The following THADA variants were observed in gnomAD, a reference collection of about 807,000 sequenced individuals.
THADA encodes the protein tRNA (32-2'-O)-methyltransferase regulator THADA.
A neutral mutation model predicts 219.8 loss-of-function variants in THADA; 213 were observed. The observed-to-expected ratio is 0.97, with a 90% CI of 0.87 to 1.09. The LOEUF is 1.09. Ranked by LOEUF, THADA falls within the 50% of genes least tolerant of loss-of-function variation. THADA has a pLI of 0.00. For missense variants in THADA, 2,956 were observed against 2,311.3 expected (o/e 1.28, Z -5.72); for synonymous variants, 1,018 against 828.9 (o/e 1.23, Z -3.92).
intron 28 of THADA, among the ~76,000 whole-genome samples, chr2:43,398,516 T>C (rs1189205122): frequency 2.6e-5 from 4 of 152,210 alleles, no homozygotes; most frequent in Non-Finnish European, 4.4e-5. Flanking sequence ...GAAGAGCCCA[T>C]ACTTTGGTTG....
chr2:43,451,562 A>T lies in THADA; in HGVS notation c.3837-21260T>A, dbSNP rs57935489. On this transcript the variant is annotated intron_variant, in intron 26 of 37. Coordinates refer to ENST00000405975, the MANE Select transcript of THADA (RefSeq NM_022065.5). ...GATCCCAGCACCCAGAATGGTGTCT[A>T]GTACATAGGAGGCATTAGTAAATAT... 6.8e-3 allele frequency among the ~76,000 whole-genome samples: 1,035 copies of T among 152,328 alleles called. 14 individuals are homozygous for T. The highest frequency in any genetic ancestry group is 0.024 in the African/African-American group (985 of 41,574).
chr2:43,326,384 T>C (rs1679339600), intron 30 of THADA, among the ~76,000 whole-genome samples: 1 of 152,146 alleles, frequency 6.6e-6, no homozygotes, highest in Non-Finnish European at 1.5e-5. Context: ...GTCCAAAGAC[T>C]TGGGGACATG....
chr2:43,422,218 G>A (rs925888161), intron 28 of THADA, among the ~76,000 whole-genome samples: 2 of 152,154 alleles, frequency 1.3e-5, no homozygotes, highest in African/African-American at 2.4e-5. Context: ...TAAATTAAAA[G>A]CTGAAATCTA....
At chr2:43,398,600 C>T (rs1252222899) in intron 28 of THADA, among the ~76,000 whole-genome samples, 1 of 152,086 alleles carries the variant, frequency 6.6e-6, no homozygotes, top group Non-Finnish European at 1.5e-5. Flanking sequence ...AGCAAGTGAC[C>T]TTGACATTAT....
In THADA at chr2:43,230,900, TG is replaced by T; in HGVS notation, c.*47del. 1 of 1,531,636 alleles carries T rather than the reference TG, an allele frequency of 6.5e-7. No individual in the cohort carries two copies. The highest frequency in any genetic ancestry group is 8.8e-7 in the Non-Finnish European group (1 of 1,139,482). 94.9% of individuals were successfully genotyped at this position (1,531,636 alleles called of 1,614,324 possible). A position where few individuals can be genotyped will look rare whatever the true frequency, so the allele number is the denominator to read the frequency against. ...TTCAACATGTTTCCTGCAGATTTAG[TG>T]GAGGAAAAATCCACACATACCCCCA... On this transcript the variant is annotated 3_prime_UTR_variant, in exon 38 of 38. Transcript: ENST00000405975.
At chr2:43,413,780 G>A (rs1342471814) in intron 28 of THADA, among the ~76,000 whole-genome samples, 2 of 152,102 alleles carry the variant, frequency 1.3e-5, no homozygotes, top group Non-Finnish European at 2.9e-5. Flanking sequence ...AAGGTATTCG[G>A]TACTCACAGT....
intron 29 of THADA, among the ~76,000 whole-genome samples, chr2:43,386,227 C>G (rs1417301195): frequency 6.6e-6 from 1 of 151,984 alleles, no homozygotes; most frequent in Non-Finnish European, 1.5e-5. Flanking sequence ...AAATTCATAC[C>G]TCAATTAATA....
chr2:43,293,504 T>C (rs575798533), intron 31 of THADA, among the ~76,000 whole-genome samples: 1 of 152,176 alleles, frequency 6.6e-6, no homozygotes, highest in South Asian at 2.1e-4. Context: ...CTCAGTGACC[T>C]CTTATCACCG....
chr2:43,571,409 A>G (rs1323732535), intron 13 of THADA, among the ~76,000 whole-genome samples: 2 of 151,864 alleles, frequency 1.3e-5, no homozygotes, highest in East Asian at 3.9e-4. Context: ...CACTGCCACA[A>G]CCGGCTAATT....
At chr2:43,577,525 T>C (rs1175835906) in intron 9 of THADA, among the ~76,000 whole-genome samples, 2 of 151,792 alleles carry the variant, frequency 1.3e-5, no homozygotes, top group African/African-American at 2.4e-5. Flanking sequence ...TTTTTTGGTA[T>C]GTATTTTTTT....
intron 28 of THADA, among the ~76,000 whole-genome samples, chr2:43,427,057 A>G (rs1678533571): frequency 6.6e-6 from 1 of 152,182 alleles, no homozygotes; most frequent in South Asian, 2.1e-4. Context: ...GAACCCTGTT[A>G]TATTATTTCA....
At chr2:43,412,208 C>T (rs933190668) in intron 28 of THADA, among the ~76,000 whole-genome samples, 2 of 152,160 alleles carry the variant, frequency 1.3e-5, no homozygotes, top group Admixed American at 1.3e-4. Flanking sequence ...ACAAATTTAG[C>T]CTCAATTCAG....
intron 26 of THADA, among the ~76,000 whole-genome samples, chr2:43,468,656 T>A (rs968710466): frequency 6.6e-6 from 1 of 152,078 alleles, no homozygotes; most frequent in Admixed American, 6.5e-5. Context: ...GGGCAAAAAA[T>A]TTAAAATACA....
At chr2:43,521,003 G>T in intron 22 of THADA, among the ~76,000 whole-genome samples, 1 of 115,218 alleles carries the variant, frequency 8.7e-6, no homozygotes, top group African/African-American at 3.7e-5. Context: ...GGAGGAAAGG[G>T]AGGGAAGGGA....
At chr2:43,501,390 A>G (rs1238745499) in intron 24 of THADA, among the ~76,000 whole-genome samples, 1 of 149,462 alleles carries the variant, frequency 6.7e-6, no homozygotes, top group Non-Finnish European at 1.5e-5. Context: ...ACATTAAATG[A>G]TCTGAATAAA....
intron 28 of THADA, among the ~76,000 whole-genome samples, chr2:43,412,798 G>A (rs927613053): frequency 6.6e-6 from 1 of 152,096 alleles, no homozygotes; most frequent in Non-Finnish European, 1.5e-5. Flanking sequence ...CTCTGAGAAG[G>A]TCAGGGCTTG....
At chr2:43,396,041 GC>G (rs1336192632) in intron 29 of THADA, among the ~76,000 whole-genome samples, 1 of 152,176 alleles carries the variant, frequency 6.6e-6, no homozygotes. Flanking sequence ...ATAGGCATGA[GC>G]CCCCACACCA....
intron 28 of THADA, among the ~76,000 whole-genome samples, chr2:43,425,717 G>C (rs1289796815): frequency 1.3e-5 from 2 of 152,124 alleles, no homozygotes; most frequent in African/African-American, 2.4e-5. Context: ...TCAGAGCCTA[G>C]GCTCTGTACT....
intron 31 of THADA, among the ~76,000 whole-genome samples, chr2:43,305,911 C>T (rs1200300842): frequency 1.3e-5 from 2 of 152,000 alleles, no homozygotes; most frequent in East Asian, 3.9e-4. Flanking sequence ...TTCTCCTTTC[C>T]CCTTTCCTTT....
Sources: allele counts gnomAD v4.1 joint callset (sites outside exome capture counted in the v4.1 genomes callset), GRCh38; gene constraint gnomAD v4.1.1; transcripts MANE v1.5; gene names NCBI Gene and HGNC (gene_info 2026-07-23, HGNC 2026-07-21).